Variants in SPPL2A observed in about 807,000 individuals in gnomAD.
SPPL2A encodes the protein signal peptide peptidase like 2A.
In SPPL2A, 51 loss-of-function variants were observed where a neutral mutation model predicts 63.8. The ratio of observed to expected loss-of-function variants is 0.80; its 90% CI spans 0.64 to 1.01. The LOEUF (loss-of-function observed/expected upper bound fraction) is 1.01, where lower values mean the gene tolerates loss of function less well. SPPL2A is among the 50% of genes least tolerant of loss of function. The probability of loss-of-function intolerance (pLI) is 0.00; values close to 1 mark genes in which losing one functional copy is unlikely to be tolerated. For missense variants in SPPL2A, 553 were observed against 622.7 expected (o/e 0.89, Z 1.19); for synonymous variants, 188 against 205.8 (o/e 0.91, Z 0.74).
intron 1 of SPPL2A, among the ~76,000 whole-genome samples, chr15:50,751,548 C>G (rs2062906370): frequency 6.6e-6 from 1 of 152,202 alleles, no homozygotes; most frequent in Admixed American, 6.6e-5. Flanking sequence ...ATCATGATTT[C>G]CTGCACTAGT....
rs1485231201 is a variant in SPPL2A, at chr15:50,702,893, T to A, written c.*4907A>T. The A allele has an allele frequency of 6.7e-6, 1 of 149,648 alleles. No homozygotes were observed. Among genetic ancestry groups the A allele is most frequent in the Non-Finnish European group, 1.5e-5 (1 of 68,036 alleles). 9.3% of individuals were successfully genotyped at this position (149,648 alleles called of 1,614,324 possible). ...TCTTCACTATAATATGGCCTATATA[T>A]TACCCTGTCAATTTTTTTTCACTCT... On this transcript the variant is annotated 3_prime_UTR_variant, in exon 15 of 15. Coordinates refer to ENST00000261854, the MANE Select transcript of SPPL2A (RefSeq NM_032802.4).
intron 13 of SPPL2A, among the ~76,000 whole-genome samples, chr15:50,721,207 T>G (rs2062643850): frequency 2.0e-5 from 3 of 151,824 alleles, no homozygotes; most frequent in Non-Finnish European, 4.4e-5. Flanking sequence ...CTACTTTTTG[T>G]ATTTTTAGTA....
At chr15:50,731,298 G>A (rs146292266) in intron 9 of SPPL2A, among the ~76,000 whole-genome samples, 143 of 152,302 alleles carry the variant, frequency 9.4e-4, no homozygotes, top group African/African-American at 3.3e-3. Context: ...TGTAATCCCA[G>A]CACTTTGGGA....
intron 13 of SPPL2A, among the ~76,000 whole-genome samples, chr15:50,721,162 T>A (rs753704847): frequency 6.6e-6 from 1 of 152,038 alleles, no homozygotes; most frequent in Non-Finnish European, 1.5e-5. Flanking sequence ...GCCTCCCGAG[T>A]AGCTGGGAAT....
chr15:50,708,797 G>A (rs1468675768), intron 14 of SPPL2A, among the ~76,000 whole-genome samples: 1 of 152,038 alleles, frequency 6.6e-6, no homozygotes, highest in African/African-American at 2.4e-5. Context: ...ACTTTGGGAG[G>A]CCGAAGTGGG....
At chr15:50,741,914 G>A (rs973110773) in intron 5 of SPPL2A, among the ~76,000 whole-genome samples, 3 of 150,568 alleles carry the variant, frequency 2.0e-5, no homozygotes, top group African/African-American at 7.3e-5. Context: ...TGCAGTGAGC[G>A]AAGACCGCAT....
intron 1 of SPPL2A, among the ~76,000 whole-genome samples, chr15:50,761,372 T>G (rs1334147171): frequency 6.6e-6 from 1 of 152,026 alleles, no homozygotes; most frequent in East Asian, 1.9e-4. Flanking sequence ...ACCCCACACT[T>G]TGGGAGGATG....
rs372113661 is a variant in SPPL2A, at chr15:50,751,289, G to A, written c.67-1543C>T. Among the ~76,000 whole-genome samples, 19 of 152,140 alleles carry A rather than the reference G, an allele frequency of 1.2e-4. No individual in the cohort carries two copies. The East Asian group carries it at 2.1e-3, about 17-fold the overall frequency. On this transcript the variant is annotated intron_variant, in intron 1 of 14. Transcript: ENST00000261854. ...TTATGATATAACAAACTACATGCTA[G>A]GTTACTTTCATGCATTTTTTCTGAT...
intron 14 of SPPL2A, among the ~76,000 whole-genome samples, chr15:50,711,635 C>A (rs1431414210): frequency 6.6e-6 from 1 of 152,154 alleles, no homozygotes; most frequent in African/African-American, 2.4e-5. Context: ...CTCCAAGTTA[C>A]AAGTGAGGTA....
chr15:50,754,261 C>T (rs925428940), intron 1 of SPPL2A, among the ~76,000 whole-genome samples: 1 of 152,120 alleles, frequency 6.6e-6, no homozygotes, highest in Non-Finnish European at 1.5e-5. Context: ...ACTGATGAAC[C>T]TCCATTGACA....
chr15:50,740,743 T>A (rs2062813571), intron 5 of SPPL2A, among the ~76,000 whole-genome samples: 1 of 152,072 alleles, frequency 6.6e-6, no homozygotes, highest in African/African-American at 2.4e-5. Context: ...CCCAAGTAGC[T>A]GGGACTACAG....
At chr15:50,727,824 C>A (rs964348810) in intron 10 of SPPL2A, among the ~76,000 whole-genome samples, 1 of 152,176 alleles carries the variant, frequency 6.6e-6, no homozygotes, top group Non-Finnish European at 1.5e-5. Context: ...TTAATAAAAA[C>A]AAACAAATCA....
At chr15:50,721,028 T>C (rs2062642189) in intron 13 of SPPL2A, among the ~76,000 whole-genome samples, 1 of 152,034 alleles carries the variant, frequency 6.6e-6, no homozygotes, top group Non-Finnish European at 1.5e-5. Context: ...GAGAGTACCA[T>C]ACTTAGTGGC....
intron 14 of SPPL2A, among the ~76,000 whole-genome samples, chr15:50,712,817 C>A (rs552488874): frequency 6.6e-6 from 1 of 151,994 alleles, no homozygotes; most frequent in East Asian, 1.9e-4. Context: ...TCCCAAACAG[C>A]TGGGATTACA....
At chr15:50,711,203 ATCCT>A (rs2062554008) in intron 14 of SPPL2A, among the ~76,000 whole-genome samples, 1 of 139,822 alleles carries the variant, frequency 7.2e-6, no homozygotes, top group African/African-American at 2.8e-5. Context: ...CCAAATTAGT[ATCCT>A]TTTTTTTTTT....
intron 5 of SPPL2A, among the ~76,000 whole-genome samples, chr15:50,741,904 T>G (rs1345201698): frequency 1.3e-5 from 2 of 151,216 alleles, no homozygotes; most frequent in African/African-American, 4.9e-5. Context: ...AGGCAGAGGT[T>G]GCAGTGAGCG....
chr15:50,758,294 A>G (rs1017852806), intron 1 of SPPL2A, among the ~76,000 whole-genome samples: 11 of 150,808 alleles, frequency 7.3e-5, no homozygotes, highest in African/African-American at 2.4e-4. Flanking sequence ...ATCTCAAAAA[A>G]AAAAAAAGAA....
chr15:50,732,421 T>C (rs1413104543), intron 9 of SPPL2A, among the ~76,000 whole-genome samples, 182 bp downstream of exon 9: 2 of 152,314 alleles, frequency 1.3e-5, no homozygotes, highest in Middle Eastern at 3.4e-3. Flanking sequence ...GTAGAGCTTT[T>C]GGAAGAGATG....
intron 9 of SPPL2A, 125 bp downstream of exon 9, chr15:50,732,478 A>G (rs554643452): frequency 1.3e-4 from 81 of 609,334 alleles, no homozygotes; most frequent in Non-Finnish European, 2.2e-4. Flanking sequence ...AAAGTTACAC[A>G]TTCATAAAAT....
Sources: allele counts gnomAD v4.1 joint callset (sites outside exome capture counted in the v4.1 genomes callset), GRCh38; gene constraint gnomAD v4.1.1; transcripts MANE v1.5; gene names NCBI Gene and HGNC (gene_info 2026-07-23, HGNC 2026-07-21).